OPA1: variants seen among roughly 807,000 people sequenced by gnomAD.
The protein encoded by OPA1 is dynamin-like GTPase OPA1, mitochondrial.
OPA1 carries 59 observed loss-of-function variants against 152.9 expected under a neutral mutation model. The ratio of observed to expected loss-of-function variants is 0.39; its 90% CI spans 0.31 to 0.48. The LOEUF (loss-of-function observed/expected upper bound fraction) is 0.48, where lower values mean the gene tolerates loss of function less well. Ranked by LOEUF, OPA1 falls within the 20% of genes least tolerant of loss-of-function variation. OPA1 has a pLI of 0.96. For missense variants in OPA1, 1,008 were observed against 1,216.8 expected, an observed-to-expected ratio of 0.83 and a Z score of 2.55; for synonymous variants, 400 against 389.9, an observed-to-expected ratio of 1.03 and a Z score of -0.31.
intron 9 of OPA1, 47 bp downstream of exon 9, chr3:193,635,569 G>A (rs201317456): frequency 6.0e-5 from 67 of 1,112,484 alleles, no homozygotes; most frequent in South Asian, 5.1e-4. Flanking sequence ...ACCGCTTAAC[G>A]TTGTGTGTTC....
chr3:193,675,017 C>A (rs748721382), intron 29 of OPA1, among the ~76,000 whole-genome samples: 19 of 152,096 alleles, frequency 1.2e-4, no homozygotes, highest in Admixed American at 5.2e-4. Flanking sequence ...CAGTGCATAG[C>A]AAGACAATTT....
intron 6 of OPA1, among the ~76,000 whole-genome samples, chr3:193,625,518 A>C (rs1328904406): frequency 6.6e-6 from 1 of 152,110 alleles, no homozygotes; most frequent in Non-Finnish European, 1.5e-5. Flanking sequence ...TTATCTTTTA[A>C]TTTAAATAAA....
intron 29 of OPA1, among the ~76,000 whole-genome samples, chr3:193,668,055 G>A (rs150290602): frequency 1.1e-3 from 166 of 152,274 alleles, no homozygotes; most frequent in Non-Finnish European, 2.1e-3. Flanking sequence ...TTGTGTGTGT[G>A]CAGGTGAATA....
chr3:193,632,269 C>T (rs1732201466), intron 8 of OPA1, among the ~76,000 whole-genome samples: 1 of 152,202 alleles, frequency 6.6e-6, no homozygotes, highest in South Asian at 2.1e-4. Flanking sequence ...ATCACAAGGT[C>T]AGGAGATCGA....
intron 1 of OPA1, among the ~76,000 whole-genome samples, chr3:193,605,181 A>G (rs1293966139): frequency 6.6e-6 from 1 of 152,242 alleles, no homozygotes; most frequent in East Asian, 1.9e-4. Context: ...ATGGAATGCT[A>G]GAGAAGGCTG....
chr3:193,631,929 A>G (rs1025266136), intron 8 of OPA1, among the ~76,000 whole-genome samples: 2 of 152,212 alleles, frequency 1.3e-5, no homozygotes, highest in African/African-American at 2.4e-5. Context: ...GCTTGTCCTT[A>G]TATAAACTTA....
intron 26 of OPA1, 33 bp from the exon 27 acceptor site, chr3:193,664,847 A>T: frequency 8.9e-7 from 1 of 1,124,926 alleles, no homozygotes; most frequent in East Asian, 2.4e-5. Flanking sequence ...AAGAATATAC[A>T]GTAACTCTGG....
chr3:193,622,868 T>C (rs1033493313), intron 6 of OPA1, among the ~76,000 whole-genome samples: 1 of 152,198 alleles, frequency 6.6e-6, no homozygotes, highest in Non-Finnish European at 1.5e-5. Context: ...ATAAATCTGG[T>C]TGATGCCAAC....
At chr3:193,657,254 G>A (rs1334658557) in intron 23 of OPA1, 22 bp downstream of exon 23, 2 of 1,611,718 alleles carry the variant, frequency 1.2e-6, no homozygotes, top group Non-Finnish European at 1.7e-6. Context: ...GTATACTGGG[G>A]TATCAGCCTC....
chr3:193,659,664 A>G (rs1714753140), intron 25 of OPA1, 103 bp downstream of exon 25: 3 of 801,300 alleles, frequency 3.7e-6, no homozygotes, highest in African/African-American at 3.5e-5. Flanking sequence ...AGTCTCAGGA[A>G]TATTAAATGT....
chr3:193,666,270 G>A (rs1331612463), intron 27 of OPA1, 26 bp from the exon 28 acceptor site: 1 of 1,584,858 alleles, frequency 6.3e-7, no homozygotes, highest in South Asian at 1.1e-5. Flanking sequence ...TTTGCATCTG[G>A]TAATCTTAGT....
intron 5 of OPA1, 61 bp downstream of exon 5, chr3:193,617,898 G>C: frequency 8.1e-7 from 1 of 1,232,812 alleles, no homozygotes. Context: ...TAATAAACTA[G>C]TTGCAAATAA....
At chr3:193,627,347 G>T (rs1338647349) in intron 7 of OPA1, 1 of 152,146 alleles carries the variant, frequency 6.6e-6, no homozygotes, top group Non-Finnish European at 1.5e-5. Context: ...AAAAAGAAAA[G>T]AAGTGAGTTT....
At position 193,645,709 on chromosome 3, in the gene OPA1, G is replaced by C. The variant is rs909572513; in HGVS notation, c.1682-19G>C. On this transcript the variant is annotated intron_variant, in intron 17 of 30. Coordinates refer to ENST00000361510, the MANE Select transcript of OPA1 (RefSeq NM_130837.3). ...AGAGTAATTTTCTTGATGAAAATTT[G>C]ACCATCATTCTTCCCCAGGGAACAG... 1.2e-6 allele frequency: 2 copies of C among 1,611,844 alleles called. No homozygotes were observed. Among genetic ancestry groups the C allele is most frequent in the Non-Finnish European group, 1.7e-6 (2 of 1,178,326 alleles).
rs1725495998 is a variant in OPA1 at position 193,596,304 on chromosome 3, T to TTTTTTC, written c.32+2895_32+2896insTTTTTC. 1.1e-4 allele frequency among the ~76,000 whole-genome samples: 12 copies of TTTTTTC among 108,686 alleles called. No homozygotes were observed. The South Asian group carries it at 4.0e-3, about 36-fold the overall frequency. The allele number at this position is 108,686 out of a possible 152,430, so 71.3% of individuals were successfully genotyped here. On this transcript the variant is annotated intron_variant, in intron 1 of 30. Transcript: ENST00000361510. ...ATATTGGCCATCGCAACTTTTCTTTTCTTTTCCTTTCCTTTCCTTTCCTTT... is the reference window on the plus strand; with the variant it reads ...ATATTGGCCATCGCAACTTTTCTTTTTTTTTCCTTTTCCTTTCCTTTCCTTTCCTTT...
intron 18 of OPA1, 105 bp downstream of exon 18, chr3:193,645,905 C>A: frequency 3.2e-6 from 3 of 936,276 alleles, no homozygotes; most frequent in Non-Finnish European, 4.9e-6. Context: ...AGTTTAACAT[C>A]GGATTTCTAG....
At chr3:193,603,664 G>A (rs1726794186) in intron 1 of OPA1, 1 of 152,214 alleles carries the variant, frequency 6.6e-6, no homozygotes, top group African/African-American at 2.4e-5. Context: ...TGTGTGACAT[G>A]TTCAGGTAAG....
rs148793402 is a variant in OPA1 at position 193,619,880 on chromosome 3, C to T, written c.678+944C>T. ...TCTTTCCTTGTTCTTCAACTTTGAA[C>T]TTTTTATATTCCAAATTTTAATTAT... On this transcript the variant is annotated intron_variant, in intron 6 of 30. Coordinates refer to ENST00000361510, the MANE Select transcript of OPA1 (RefSeq NM_130837.3). Among the ~76,000 whole-genome samples, 428 of 152,120 alleles carry T rather than the reference C, an allele frequency of 2.8e-3. 3 individuals carry two copies. The highest frequency in any genetic ancestry group is 0.016 in the South Asian group (79 of 4,816).
At chr3:193,601,805 G>A (rs1726511373) in intron 1 of OPA1, among the ~76,000 whole-genome samples, 2 of 152,208 alleles carry the variant, frequency 1.3e-5, no homozygotes, top group African/African-American at 4.8e-5. Context: ...GTGTAGGAAA[G>A]CAAGTACTAG....
Sources: gnomAD v4.1 joint callset for allele counts (sites outside exome capture counted in the v4.1 genomes callset) on GRCh38, gnomAD v4.1.1 for gene constraint, MANE v1.5 for transcripts, NCBI Gene and HGNC (gene_info 2026-07-23, HGNC 2026-07-21) for gene names.